PCDHA9: variants seen among roughly 807,000 people sequenced by gnomAD.
The protein encoded by PCDHA9 is protocadherin alpha-9.
In PCDHA9, 62 loss-of-function variants were observed where a neutral mutation model predicts 62.0. That is an observed-to-expected ratio of 1.00 (90% CI 0.81 to 1.23). PCDHA9 has a LOEUF of 1.23. Ranked by LOEUF, PCDHA9 falls within the 50% of genes most tolerant of loss-of-function variation. PCDHA9 has a pLI of 0.00. For synonymous variants in PCDHA9, 557 were observed against 567.6 expected (o/e 0.98, Z 0.27); for missense variants, 1,205 against 1,249.8 (o/e 0.96, Z 0.54).
chr5:140,854,011 A>T (rs1218448806), intron 1 of PCDHA9: 1 of 394,286 alleles, frequency 2.5e-6, no homozygotes, highest in Non-Finnish European at 3.6e-6. Context: ...AAAAAAAAAA[A>T]ATTAGCCGGG....
At chr5:140,932,114 G>A (rs2088047655) in intron 1 of PCDHA9, among the ~76,000 whole-genome samples, 1 of 151,738 alleles carries the variant, frequency 6.6e-6, no homozygotes. Context: ...ATTTCCAATT[G>A]ATAATATTTA....
At chr5:140,974,350 C>T (rs555781549) in intron 1 of PCDHA9, among the ~76,000 whole-genome samples, 1 of 152,304 alleles carries the variant, frequency 6.6e-6, no homozygotes, top group South Asian at 2.1e-4. Flanking sequence ...GCATCCAGAA[C>T]TAAACAGACC....
rs367948106 is a variant in PCDHA9 at position 140,876,049 on chromosome 5, G to A, written c.2394+25160G>A. On this transcript the variant is annotated intron_variant, in intron 1 of 3. Coordinates refer to ENST00000532602, the MANE Select transcript of PCDHA9 (RefSeq NM_031857.2). Reference sequence around the variant, plus strand: ...AAAAAAAGATAAAAGTATATTGCCTGAATTAGTTCTTCGGAAGTTATTGGA... The same window carrying A: ...AAAAAAAGATAAAAGTATATTGCCTAAATTAGTTCTTCGGAAGTTATTGGA... The A allele has an allele frequency of 3.6e-4, 586 of 1,613,784 alleles. No individual in the cohort carries two copies. The highest frequency in any genetic ancestry group is 4.9e-4 in the Non-Finnish European group (575 of 1,179,896).
At chr5:140,944,907 T>A (rs246063) in intron 1 of PCDHA9, among the ~76,000 whole-genome samples, 85,748 of 151,952 alleles carry the variant, frequency 0.56, 24,800 homozygotes, top group African/African-American at 0.69. Flanking sequence ...TTCCACAAAC[T>A]TCTCTTTATA....
rs1386589487 is a variant in PCDHA9 at position 140,876,579 on chromosome 5, T to C, written c.2394+25690T>C. ...AGGATGCTCAGGTGGGTACCGTCAT[T>C]GCCCTGATTAGCGTGTCGGATCGTG... On this transcript the variant is annotated intron_variant, in intron 1 of 3. Coordinates refer to ENST00000532602, the MANE Select transcript of PCDHA9 (RefSeq NM_031857.2). 5 of 1,614,104 alleles carry C rather than the reference T, an allele frequency of 3.1e-6. No homozygotes were observed. In the African/African-American group the frequency reaches 5.3e-5, roughly 17 times the overall value.
chr5:140,934,239 T>C (rs2089722399), intron 1 of PCDHA9, among the ~76,000 whole-genome samples: 1 of 152,146 alleles, frequency 6.6e-6, no homozygotes, highest in Non-Finnish European at 1.5e-5. Context: ...TACTTAATTG[T>C]GGAGATTTAT....
chr5:140,863,239 T>C (rs1554158001), intron 1 of PCDHA9: 26 of 1,323,164 alleles, frequency 2.0e-5, no homozygotes, highest in African/African-American at 2.9e-5. Context: ...ATCGCGGGCT[T>C]TGGCGGGCGT....
intron 1 of PCDHA9, among the ~76,000 whole-genome samples, chr5:140,941,126 G>T (rs1194807243): frequency 6.6e-6 from 1 of 151,906 alleles, no homozygotes; most frequent in Non-Finnish European, 1.5e-5. Flanking sequence ...GTCCTTTGAA[G>T]TTCCAGCTTA....
intron 1 of PCDHA9, among the ~76,000 whole-genome samples, chr5:140,947,885 A>G (rs2094188913): frequency 6.6e-6 from 1 of 151,584 alleles, no homozygotes; most frequent in Non-Finnish European, 1.5e-5. Context: ...AGGACAATAT[A>G]AACAGAAGTG....
chr5:140,922,412 G>A lies in PCDHA9; in HGVS notation c.2395-56537G>A, dbSNP rs80310986. Among the ~76,000 whole-genome samples the A allele has an allele frequency of 7.3e-3, 1,117 of 152,260 alleles. 9 individuals carry two copies. Among genetic ancestry groups the A allele is most frequent in the Non-Finnish European group, 0.011 (755 of 68,032 alleles). ...CCTTGTTTTGGATTAAAAAGATCTA[G>A]GTACAGAGGCTGAGGGCAGAACTCT... is the stretch of plus-strand genomic sequence containing the variant. On this transcript the variant is annotated intron_variant, in intron 1 of 3. Coordinates refer to ENST00000532602, the MANE Select transcript of PCDHA9 (RefSeq NM_031857.2).
chr5:140,986,897 T>A (rs534075146), intron 3 of PCDHA9, among the ~76,000 whole-genome samples: 13 of 152,086 alleles, frequency 8.5e-5, no homozygotes, highest in Non-Finnish European at 1.9e-4. Flanking sequence ...TTAGGCCCTA[T>A]CCTAGACTAA....
intron 1 of PCDHA9, chr5:140,865,199 T>C (rs776546973): frequency 1.2e-4 from 18 of 152,246 alleles, no homozygotes; most frequent in Admixed American, 9.2e-4. Context: ...ACCATATTAA[T>C]GTGAATTGCT....
rs374159724 is a variant in PCDHA9 at position 140,856,795 on chromosome 5, G to T, written c.2394+5906G>T. The T allele has an allele frequency of 2.1e-5, 34 of 1,595,942 alleles. 4 individuals are homozygous for T. Among genetic ancestry groups the T allele is most frequent in the Non-Finnish European group, 2.7e-5 (32 of 1,165,996 alleles). ...TTGACAGACCGGTTTATGAAGTTAA[G>T]ATGTATGAAAATCAAGTGAACCAAA... On this transcript the variant is annotated intron_variant, in intron 1 of 3. Transcript: ENST00000532602.
At chr5:140,939,104 T>G (rs2092317491) in intron 1 of PCDHA9, among the ~76,000 whole-genome samples, 1 of 152,160 alleles carries the variant, frequency 6.6e-6, no homozygotes, top group South Asian at 2.1e-4. Context: ...CAATAGAAAT[T>G]TATTTTTCAC....
chr5:141,002,049 A>G (rs1288460436), intron 3 of PCDHA9, among the ~76,000 whole-genome samples: 1 of 152,228 alleles, frequency 6.6e-6, no homozygotes, highest in Non-Finnish European at 1.5e-5. Flanking sequence ...CTGGGCATCC[A>G]GAGGCAGCAG....
intron 1 of PCDHA9, among the ~76,000 whole-genome samples, chr5:140,897,322 A>C (rs1407696399): frequency 7.4e-6 from 1 of 134,448 alleles, no homozygotes; most frequent in Non-Finnish European, 1.6e-5. Context: ...TCCTAAAGCT[A>C]TCCCTCCCCC....
chr5:140,871,966 C>G (rs1210672603), intron 1 of PCDHA9, among the ~76,000 whole-genome samples: 2 of 152,204 alleles, frequency 1.3e-5, no homozygotes, highest in African/African-American at 4.8e-5. Context: ...AGGAGGTCTT[C>G]CTATGATGTC....
rs566700844 is a variant in PCDHA9, at chr5:140,926,191, C to T, written c.2395-52758C>T. On this transcript the variant is annotated intron_variant, in intron 1 of 3. Coordinates refer to ENST00000532602, the MANE Select transcript of PCDHA9 (RefSeq NM_031857.2). Reference sequence around the variant, plus strand: ...CCAGCGCGGAAAGCCCCCCGCAGCACTTCTTTCGGGGGGCTCCTGTTTCCT... The same window carrying T: ...CCAGCGCGGAAAGCCCCCCGCAGCATTTCTTTCGGGGGGCTCCTGTTTCCT... Among the ~76,000 whole-genome samples the T allele has an allele frequency of 8.1e-3, 1,227 of 151,838 alleles. 6 individuals carry two copies. Among genetic ancestry groups the T allele is most frequent in the African/African-American group, 0.019 (793 of 41,542 alleles).
intron 1 of PCDHA9, among the ~76,000 whole-genome samples, chr5:140,898,748 G>A (rs1397892217): frequency 1.1e-4 from 16 of 152,222 alleles, no homozygotes; most frequent in African/African-American, 3.9e-4. Context: ...TAGCTTGATG[G>A]GGATGGCATT....
Sources: allele counts gnomAD v4.1 joint callset (sites outside exome capture counted in the v4.1 genomes callset), GRCh38; gene constraint gnomAD v4.1.1; transcripts MANE v1.5; gene names NCBI Gene and HGNC (gene_info 2026-07-23, HGNC 2026-07-21).